The following LRBA variants were observed in gnomAD, a reference collection of about 807,000 sequenced individuals.
The protein encoded by LRBA is lipopolysaccharide-responsive and beige-like anchor protein.
LRBA carries 176 observed loss-of-function variants against 330.0 expected under a neutral mutation model. The observed-to-expected ratio is 0.53, with a 90% confidence interval of 0.47 to 0.60. The LOEUF (loss-of-function observed/expected upper bound fraction) is 0.60, where lower values mean the gene tolerates loss of function less well. Ranked by LOEUF, LRBA falls within the 20% of genes least tolerant of loss-of-function variation. LRBA has a pLI of 0.00. For synonymous variants in LRBA, 1,230 were observed against 1,193.0 expected, an observed-to-expected ratio of 1.03 and a Z score of -0.64; for missense variants, 3,259 against 3,444.8, an observed-to-expected ratio of 0.95 and a Z score of 1.35.
Position 150,432,453 on chromosome 4 carries a change from C to CTTTTTTTTTTTT in LRBA, c.7041+3124_7041+3135dup, listed in dbSNP as rs35393002. Among the ~76,000 whole-genome samples, 8 of 98,438 alleles carry CTTTTTTTTTTTT rather than the reference C, an allele frequency of 8.1e-5. 1 individual carries two copies. The highest frequency in any genetic ancestry group is 4.2e-4 in the South Asian group (1 of 2,378). The allele number at this position is 98,438 out of a possible 152,430, so 64.6% of individuals were successfully genotyped here. A position where few individuals can be genotyped will look rare whatever the true frequency, so the allele number is the denominator to read the frequency against. On this transcript the variant is annotated intron_variant, in intron 46 of 56. Transcript: ENST00000651943. ...TATATTACAGTAATTTAAGTGTGTT[C>CTTTTTTTTTTTT]TTTTTTTTTTTTTTTTTTTTTTTTG...
At chr4:150,804,061 TAAA>T (rs1005931781) in intron 33 of LRBA, among the ~76,000 whole-genome samples, 2 of 151,144 alleles carry the variant, frequency 1.3e-5, no homozygotes, top group African/African-American at 4.9e-5. Context: ...TTACACCATT[TAAA>T]AAAAAAGTTT....
chr4:150,861,270 GGTGTGTGTGTGTGT>G lies in LRBA; in HGVS notation c.2766+6387_2766+6400del, dbSNP rs35115144. Among the ~76,000 whole-genome samples, 12 of 137,884 alleles carry G rather than the reference GGTGTGTGTGTGTGT, an allele frequency of 8.7e-5. No homozygotes were observed. In the East Asian group the frequency reaches 1.3e-3, roughly 15 times the overall value. The allele number at this position is 137,884 out of a possible 152,430, so 90.5% of individuals were successfully genotyped here. On this transcript the variant is annotated intron_variant, in intron 22 of 56. Coordinates refer to ENST00000651943, the MANE Select transcript of LRBA (RefSeq NM_001364905.1). Reference sequence around the variant, plus strand: ...GGTGCATGCCACCATCCCAGCTAATGGTGTGTGTGTGTGTGTGTGTGTGTGTGTGTGTGTGTGTG... The same window carrying G: ...GGTGCATGCCACCATCCCAGCTAATGGTGTGTGTGTGTGTGTGTGTGTGTG...
At chr4:150,624,185 C>T (rs1044036314) in intron 37 of LRBA, among the ~76,000 whole-genome samples, 1 of 151,756 alleles carries the variant, frequency 6.6e-6, no homozygotes, top group Non-Finnish European at 1.5e-5. Flanking sequence ...TTTCCTAGCA[C>T]AATAACAAGA....
At chr4:150,989,209 T>C (rs1157919862) in intron 2 of LRBA, among the ~76,000 whole-genome samples, 1 of 151,912 alleles carries the variant, frequency 6.6e-6, no homozygotes. Flanking sequence ...TTTCGCCATG[T>C]TGGCCAGGCT....
At chr4:150,809,857 TACGATAC>T (rs1743376090) in intron 31 of LRBA, among the ~76,000 whole-genome samples, 1 of 13,472 alleles carries the variant, frequency 7.4e-5, no homozygotes, top group Non-Finnish European at 1.5e-4. Context: ...TAAAATACGA[TACGATAC>T]GATACGATAC....
chr4:150,308,522 A>G (rs369476790), intron 52 of LRBA, among the ~76,000 whole-genome samples: 1 of 152,324 alleles, frequency 6.6e-6, no homozygotes, highest in South Asian at 2.1e-4. Context: ...TTCTACCTAT[A>G]AAAAGAAAAA....
chr4:150,597,195 A>T (rs1190268439), intron 38 of LRBA: 1 of 669,346 alleles, frequency 1.5e-6, no homozygotes, highest in African/African-American at 1.9e-5. Flanking sequence ...CTTCTATACA[A>T]GTCAAGAGTC....
At chr4:150,880,522 A>G (rs1728249832) in intron 17 of LRBA, among the ~76,000 whole-genome samples, 1 of 23,918 alleles carries the variant, frequency 4.2e-5, no homozygotes, top group Non-Finnish European at 1.8e-3. Context: ...CCTGTCTCCA[A>G]AAAAAAAAAA....
intron 48 of LRBA, among the ~76,000 whole-genome samples, chr4:150,345,725 A>G (rs1736199895): frequency 6.6e-6 from 1 of 152,192 alleles, no homozygotes; most frequent in Non-Finnish European, 1.5e-5. Context: ...TTCTTTGTTC[A>G]TTCTATTATA....
At chr4:150,720,974 G>A (rs1344748894) in intron 36 of LRBA, 1 of 492,356 alleles carries the variant, frequency 2.0e-6, no homozygotes, top group African/African-American at 2.0e-5. Context: ...AGTCAAGCAA[G>A]GCAGTCATGG....
At chr4:150,491,638 T>C (rs1368774866) in intron 40 of LRBA, among the ~76,000 whole-genome samples, 1 of 152,064 alleles carries the variant, frequency 6.6e-6, no homozygotes, top group African/African-American at 2.4e-5. Context: ...GCAAATGAAC[T>C]TAGCATAATC....
intron 37 of LRBA, among the ~76,000 whole-genome samples, chr4:150,611,453 T>A (rs1775253379): frequency 6.6e-6 from 1 of 152,202 alleles, no homozygotes; most frequent in African/African-American, 2.4e-5. Flanking sequence ...CATATGAGGT[T>A]CATTAATATA....
In LRBA at chr4:150,466,027, C is replaced by A. The variant is rs937435371; in HGVS notation, c.6780+1646G>T. ...ATTTCTAGATAAAGAAAAGAGCCAA[C>A]AGCAAAAGCACAAGAGGTGAACATG... On this transcript the variant is annotated intron_variant, in intron 44 of 56. Transcript: ENST00000651943. 2.6e-5 allele frequency among the ~76,000 whole-genome samples: 4 copies of A among 151,972 alleles called. No homozygotes were observed. The South Asian group carries it at 8.3e-4, about 32-fold the overall frequency.
intron 40 of LRBA, among the ~76,000 whole-genome samples, chr4:150,512,190 A>T (rs1023381867): frequency 6.6e-6 from 1 of 152,212 alleles, no homozygotes; most frequent in Non-Finnish European, 1.5e-5. Context: ...GCTTTTTAAA[A>T]TAGCGAACTG....
At chr4:150,635,978 C>T (rs1187580411) in intron 37 of LRBA, among the ~76,000 whole-genome samples, 3 of 152,108 alleles carry the variant, frequency 2.0e-5, no homozygotes, top group East Asian at 3.8e-4. Context: ...TTGGGTTTAA[C>T]TCATATTTCT....
intron 47 of LRBA, among the ~76,000 whole-genome samples, chr4:150,398,267 C>T (rs780576487): frequency 6.6e-6 from 1 of 151,948 alleles, no homozygotes; most frequent in Non-Finnish European, 1.5e-5. Context: ...TAAGACTAAC[C>T]GAAGGGAAAT....
At chr4:150,705,401 C>T (rs890054133) in intron 36 of LRBA, among the ~76,000 whole-genome samples, 1 of 151,950 alleles carries the variant, frequency 6.6e-6, no homozygotes, top group African/African-American at 2.4e-5. Flanking sequence ...AGGTGAATCC[C>T]ACCAAACCTT....
intron 37 of LRBA, among the ~76,000 whole-genome samples, chr4:150,634,482 CA>C (rs1777693838): frequency 6.6e-6 from 1 of 151,958 alleles, no homozygotes; most frequent in Non-Finnish European, 1.5e-5. Context: ...ATTCAATGAA[CA>C]AGATAAAATT....
intron 2 of LRBA, among the ~76,000 whole-genome samples, chr4:151,000,282 G>A (rs1369439605): frequency 6.6e-6 from 1 of 152,186 alleles, no homozygotes; most frequent in Non-Finnish European, 1.5e-5. Flanking sequence ...AGATGTAAGT[G>A]CATCAAGTCA....
Sources: allele counts gnomAD v4.1 joint callset (sites outside exome capture counted in the v4.1 genomes callset), GRCh38; gene constraint gnomAD v4.1.1; transcripts MANE v1.5; gene names NCBI Gene and HGNC (gene_info 2026-07-23, HGNC 2026-07-21).